Variants in RPS6KA2 observed in about 807,000 individuals in gnomAD.
RPS6KA2 encodes the protein ribosomal protein S6 kinase A2.
In RPS6KA2, 42 loss-of-function variants were observed where a neutral mutation model predicts 91.8. The ratio of observed to expected loss-of-function variants is 0.46; its 90% confidence interval spans 0.36 to 0.59. RPS6KA2 has a LOEUF of 0.59. Among genes scored for constraint, RPS6KA2 ranks in the 20% least tolerant of loss-of-function variants. The pLI, the probability that RPS6KA2 is intolerant of heterozygous loss-of-function variation, is 0.00. For missense variants in RPS6KA2, 798 were observed against 978.5 expected (o/e 0.82, Z 2.46); for synonymous variants, 414 against 393.6 (o/e 1.05, Z -0.61).
At chr6:166,655,452 C>T (rs572733876) in intron 2 of RPS6KA2, among the ~76,000 whole-genome samples, 10 of 152,302 alleles carry the variant, frequency 6.6e-5, no homozygotes, top group South Asian at 2.1e-4. Context: ...ACAAACAGAG[C>T]GGACTCCTGG....
chr6:166,694,718 C>A (rs961501431), intron 2 of RPS6KA2, among the ~76,000 whole-genome samples: 2 of 152,174 alleles, frequency 1.3e-5, no homozygotes, highest in East Asian at 1.9e-4. Context: ...TGCCTCTAGT[C>A]GAATCTACTG....
chr6:166,770,978 T>C lies in RPS6KA2; in HGVS notation c.123+87222A>G, dbSNP rs1778455946. 1 of 1,457,664 alleles carries C rather than the reference T, an allele frequency of 6.9e-7. No individual in the cohort carries two copies. The highest frequency in any genetic ancestry group is 1.9e-5 in the Admixed American group (1 of 53,614). The allele number at this position is 1,457,664 out of a possible 1,614,324, so 90.3% of individuals were successfully genotyped here. A position where few individuals can be genotyped will look rare whatever the true frequency, so the allele number is the denominator to read the frequency against. On this transcript the variant is annotated intron_variant, in intron 2 of 21. Coordinates refer to the RPS6KA2 transcript ENST00000503859. The surrounding 1 kb of genome is among the most constrained non-coding windows in gnomAD (Gnocchi z 5.1). ...CAGGACGTATTTACAGTCAGCAACTTCATTAGCAAGGGCATTACTACCATA... is the reference window on the plus strand; with the variant it reads ...CAGGACGTATTTACAGTCAGCAACTCCATTAGCAAGGGCATTACTACCATA...
intron 10 of RPS6KA2, among the ~76,000 whole-genome samples, chr6:166,480,002 C>G (rs373900011): frequency 6.6e-6 from 1 of 150,740 alleles, no homozygotes; most frequent in South Asian, 2.1e-4. Context: ...TTCAGTTAAC[C>G]GTCCCTGGGT....
intron 2 of RPS6KA2, among the ~76,000 whole-genome samples, chr6:166,834,136 A>G (rs988680022): frequency 6.6e-6 from 1 of 152,204 alleles, no homozygotes; most frequent in Non-Finnish European, 1.5e-5. Flanking sequence ...TAGCTGCGTC[A>G]TTTTGCATTC....
intron 2 of RPS6KA2, among the ~76,000 whole-genome samples, chr6:166,812,054 G>C (rs187269967): frequency 2.6e-5 from 4 of 152,268 alleles, no homozygotes; most frequent in Admixed American, 2.6e-4. Flanking sequence ...CCTGGAAAAC[G>C]AGTGGATGAA....
chr6:166,478,986 C>G (rs557483712), intron 10 of RPS6KA2, among the ~76,000 whole-genome samples: 7 of 152,348 alleles, frequency 4.6e-5, no homozygotes, highest in African/African-American at 1.7e-4. Flanking sequence ...GTCTGAGCAC[C>G]TGGCTCTCGC....
At chr6:166,646,118 G>A (rs1262560795) in intron 2 of RPS6KA2, among the ~76,000 whole-genome samples, 1 of 152,214 alleles carries the variant, frequency 6.6e-6, no homozygotes, top group African/African-American at 2.4e-5. Flanking sequence ...CATGGTCCCT[G>A]AGCACTGAAC....
intron 1 of RPS6KA2, among the ~76,000 whole-genome samples, chr6:166,613,045 A>G (rs925359894): frequency 6.6e-6 from 1 of 152,232 alleles, no homozygotes; most frequent in African/African-American, 2.4e-5. Context: ...TGGACTTTTC[A>G]GGGCCTTTCC....
intron 16 of RPS6KA2, among the ~76,000 whole-genome samples, chr6:166,428,065 T>G (rs1374973837): frequency 2.0e-5 from 3 of 151,862 alleles, no homozygotes; most frequent in African/African-American, 7.3e-5. Flanking sequence ...ACTACAAGGC[T>G]ACAGTAACCA....
chr6:166,689,003 T>A (rs554450169), intron 2 of RPS6KA2, among the ~76,000 whole-genome samples: 8 of 152,258 alleles, frequency 5.3e-5, no homozygotes, highest in Non-Finnish European at 1.0e-4. Context: ...CAGGGCTAAC[T>A]TTAATAGCAT....
chr6:166,754,483 G>A (rs1183456553), intron 2 of RPS6KA2, among the ~76,000 whole-genome samples: 4 of 152,166 alleles, frequency 2.6e-5, no homozygotes, highest in Non-Finnish European at 4.4e-5. Flanking sequence ...GGCAGTTCCC[G>A]TGGGCCCTGC....
chr6:166,779,259 C>T (rs918579713), intron 2 of RPS6KA2, among the ~76,000 whole-genome samples: 2 of 152,148 alleles, frequency 1.3e-5, no homozygotes, highest in Admixed American at 6.5e-5. Flanking sequence ...CCCAAAATAT[C>T]CTAAGGAGTT....
chr6:166,680,088 G>C (rs1389973805), intron 2 of RPS6KA2, among the ~76,000 whole-genome samples: 6 of 152,282 alleles, frequency 3.9e-5, no homozygotes, highest in African/African-American at 1.4e-4. Context: ...TCAGCACTCT[G>C]TGTCTAGCTA....
At chr6:166,815,897 G>A (rs1779748192) in intron 2 of RPS6KA2, among the ~76,000 whole-genome samples, 1 of 152,128 alleles carries the variant, frequency 6.6e-6, no homozygotes, top group South Asian at 2.1e-4. Context: ...AAAATAAAAG[G>A]AGTGAATTGA....
chr6:166,755,206 G>C (rs977313207), intron 2 of RPS6KA2, among the ~76,000 whole-genome samples: 1 of 152,218 alleles, frequency 6.6e-6, no homozygotes, highest in Non-Finnish European at 1.5e-5. Context: ...GGTAAAGGCA[G>C]ATCTTCCAAG....
At position 166,411,348 on chromosome 6, in the gene RPS6KA2, C is replaced by T. The variant is rs1052179789; in HGVS notation, c.*1414G>A. ...CCTGAAGCCCTGCTTGCTGCAGAGGCGCCGCTCTTCAGTGATGCAGGGTGA... is the reference window on the plus strand; with the variant it reads ...CCTGAAGCCCTGCTTGCTGCAGAGGTGCCGCTCTTCAGTGATGCAGGGTGA... On this transcript the variant is annotated 3_prime_UTR_variant, in exon 21 of 21. Coordinates refer to ENST00000265678, the MANE Select transcript of RPS6KA2 (RefSeq NM_021135.6). The surrounding 1 kb of genome is among the most constrained non-coding windows in gnomAD (Gnocchi z 4.5). 6 of 152,166 alleles carry T rather than the reference C, an allele frequency of 3.9e-5. No individual in the cohort carries two copies. Among genetic ancestry groups the T allele is most frequent in the East Asian group, 3.9e-4 (2 of 5,164 alleles). The allele number at this position is 152,166 out of a possible 1,614,324, so 9.4% of individuals were successfully genotyped here.
intron 3 of RPS6KA2, among the ~76,000 whole-genome samples, chr6:166,529,435 G>A (rs978294434): frequency 6.6e-6 from 1 of 152,062 alleles, no homozygotes; most frequent in Non-Finnish European, 1.5e-5. Context: ...GTGGAGGGAT[G>A]GGGGAGGGAT....
At chr6:166,566,585 G>A (rs955245704) in intron 1 of RPS6KA2, among the ~76,000 whole-genome samples, 1 of 152,334 alleles carries the variant, frequency 6.6e-6, no homozygotes, top group East Asian at 1.9e-4. Context: ...GCGATGCTAT[G>A]GTCCCTGGAA....
chr6:166,647,861 TACACAC>T (rs766868905), intron 2 of RPS6KA2, among the ~76,000 whole-genome samples: 2 of 67,910 alleles, frequency 2.9e-5, no homozygotes, highest in African/African-American at 1.2e-4. Context: ...CACATGCTCA[TACACAC>T]ATGCACATGC....
Sources: gnomAD v4.1 joint callset for allele counts (sites outside exome capture counted in the v4.1 genomes callset) on GRCh38, gnomAD v4.1.1 for gene constraint, Gnocchi (gnomAD v3.1) non-coding constraint, MANE v1.5 for transcripts, NCBI Gene and HGNC (gene_info 2026-07-23, HGNC 2026-07-21) for gene names.